The following COP1 variants were observed in gnomAD, a reference collection of about 807,000 sequenced individuals.
The protein encoded by COP1 is COP1 E3 ubiquitin ligase.
A neutral mutation model predicts 101.3 loss-of-function variants in COP1; 24 were observed. The observed-to-expected ratio is 0.24, with a 90% CI of 0.17 to 0.33. The LOEUF is 0.33. COP1 is among the 10% of genes least tolerant of loss of function. COP1 has a pLI of 1.00. For synonymous variants in COP1, 347 were observed against 341.9 expected (o/e 1.01, Z -0.17); for missense variants, 663 against 906.2 (o/e 0.73, Z 3.45).
intron 8 of COP1, among the ~76,000 whole-genome samples, chr1:176,119,663 C>CAT (rs1034044873): frequency 1.5e-4 from 21 of 138,220 alleles, no homozygotes; most frequent in Admixed American, 5.2e-4. Flanking sequence ...CACACACACA[C>CAT]ATATAGAAAA....
At chr1:176,057,791 C>T (rs1465070306) in intron 11 of COP1, among the ~76,000 whole-genome samples, 4 of 152,062 alleles carry the variant, frequency 2.6e-5, no homozygotes, top group African/African-American at 9.7e-5. Flanking sequence ...TCTGCCTGGC[C>T]GCCCATCGTC....
intron 5 of COP1, among the ~76,000 whole-genome samples, chr1:176,151,326 A>G (rs74127192): frequency 1.9e-3 from 269 of 140,592 alleles, no homozygotes; most frequent in African/African-American, 5.6e-3. Context: ...AAAGAAGGAA[A>G]GAAAGAAAGA....
chr1:176,055,442 TAAAC>T (rs1673303163), intron 11 of COP1, among the ~76,000 whole-genome samples: 1 of 152,048 alleles, frequency 6.6e-6, no homozygotes, highest in South Asian at 2.1e-4. Flanking sequence ...TCTCAAAAAA[TAAAC>T]AAAACAAAAC....
At chr1:176,198,633 G>T (rs187535306) in intron 1 of COP1, among the ~76,000 whole-genome samples, 1 of 151,844 alleles carries the variant, frequency 6.6e-6, no homozygotes, top group African/African-American at 2.4e-5. Flanking sequence ...TTAGAAAAAA[G>T]AAAAAACTTT....
intron 5 of COP1, among the ~76,000 whole-genome samples, chr1:176,152,418 G>A (rs1334978262): frequency 6.6e-6 from 1 of 151,976 alleles, no homozygotes; most frequent in Non-Finnish European, 1.5e-5. Context: ...ATAATGTTAT[G>A]ACATTGTAAA....
At chr1:176,182,352 C>A (rs1026957296) in intron 2 of COP1, among the ~76,000 whole-genome samples, 8 of 152,332 alleles carry the variant, frequency 5.3e-5, no homozygotes, top group African/African-American at 1.9e-4. Context: ...GAATCCTGGT[C>A]TAACAATATC....
intron 1 of COP1, chr1:176,206,278 T>C (rs994402754): frequency 1.2e-5 from 5 of 412,540 alleles, no homozygotes; most frequent in African/African-American, 1.0e-4. Context: ...AAACCATTTA[T>C]TTGACCTTCC....
At chr1:176,150,440 C>A (rs371902170) in intron 5 of COP1, among the ~76,000 whole-genome samples, 1 of 152,254 alleles carries the variant, frequency 6.6e-6, no homozygotes, top group African/African-American at 2.4e-5. Context: ...GGACCTTAGA[C>A]CCATTCTTCC....
chr1:175,968,386 G>A (rs1652515558), intron 18 of COP1: 1 of 500,112 alleles, frequency 2.0e-6, no homozygotes, highest in Non-Finnish European at 4.0e-6. Context: ...ATTTAGAGTG[G>A]CAGTTTTAAA....
intron 9 of COP1, among the ~76,000 whole-genome samples, chr1:176,098,947 T>C (rs1329073783): frequency 1.3e-5 from 2 of 152,210 alleles, no homozygotes; most frequent in East Asian, 3.8e-4. Context: ...GTGTTCAATC[T>C]TCTTTAGGTT....
chr1:175,999,718 T>C (rs1661135955), intron 15 of COP1, among the ~76,000 whole-genome samples: 1 of 152,038 alleles, frequency 6.6e-6, no homozygotes, highest in Admixed American at 6.6e-5. Context: ...CCAATTTACA[T>C]TCCCACCACC....
intron 15 of COP1, among the ~76,000 whole-genome samples, chr1:176,002,193 C>T (rs1661786377): frequency 6.6e-6 from 1 of 152,034 alleles, no homozygotes; most frequent in Non-Finnish European, 1.5e-5. Context: ...TCTCTCTCCT[C>T]ATCTTTTGGA....
intron 8 of COP1, among the ~76,000 whole-genome samples, chr1:176,119,941 CAG>C (rs1265503447): frequency 6.6e-6 from 1 of 152,056 alleles, no homozygotes; most frequent in African/African-American, 2.4e-5. Flanking sequence ...TGGGAAATAG[CAG>C]AGTTATTATT....
intron 2 of COP1, among the ~76,000 whole-genome samples, chr1:176,177,809 A>G (rs1429239693): frequency 1.3e-5 from 2 of 152,150 alleles, no homozygotes; most frequent in Admixed American, 1.3e-4. Flanking sequence ...AAAAACCTAC[A>G]TTCCCCAGGT....
intron 11 of COP1, among the ~76,000 whole-genome samples, chr1:176,079,372 G>C (rs1026035599): frequency 1.3e-5 from 2 of 152,138 alleles, no homozygotes; most frequent in African/African-American, 2.4e-5. Context: ...GTGAATTAAT[G>C]CAAGAACAGA....
At chr1:176,043,374 A>G (rs999979960) in intron 13 of COP1, 107 bp from the exon 14 acceptor site, 2 of 675,582 alleles carry the variant, frequency 3.0e-6, no homozygotes, top group East Asian at 2.6e-5. Context: ...GGGGAGAGGG[A>G]AAGACAACAG....
At chr1:176,031,937 T>C (rs942218396) in intron 14 of COP1, among the ~76,000 whole-genome samples, 1 of 152,234 alleles carries the variant, frequency 6.6e-6, no homozygotes, top group African/African-American at 2.4e-5. Flanking sequence ...GAACAAGATA[T>C]TGCTTATCTA....
intron 8 of COP1, among the ~76,000 whole-genome samples, chr1:176,123,129 T>G (rs550699310): frequency 1.3e-5 from 2 of 152,310 alleles, no homozygotes; most frequent in East Asian, 1.9e-4. Context: ...AATTATCAGA[T>G]GATATAGTTG....
At chr1:175,947,355 T>A (rs1649306313) in intron 18 of COP1, 116 bp from the exon 19 acceptor site, 1 of 734,698 alleles carries the variant, frequency 1.4e-6, no homozygotes, top group Non-Finnish European at 2.4e-6. Context: ...CAATTGAATC[T>A]AATATGAAGA....
Sources: gnomAD v4.1 joint callset for allele counts (sites outside exome capture counted in the v4.1 genomes callset) on GRCh38, gnomAD v4.1.1 for gene constraint, MANE v1.5 for transcripts, NCBI Gene and HGNC (gene_info 2026-07-23, HGNC 2026-07-21) for gene names.